The following SENP6 variants were observed in gnomAD, a reference collection of about 807,000 sequenced individuals.
SENP6 encodes sentrin-specific protease 6.
SENP6 carries 41 observed loss-of-function variants against 134.5 expected under a neutral mutation model. The ratio of observed to expected loss-of-function variants is 0.30; its 90% CI spans 0.24 to 0.40. The LOEUF (loss-of-function observed/expected upper bound fraction) is 0.40. Among genes scored for constraint, SENP6 ranks in the 10% least tolerant of loss-of-function variants. The pLI is 1.00. For missense variants in SENP6, 1,248 were observed against 1,312.5 expected (o/e 0.95, Z 0.76); for synonymous variants, 395 against 429.8 (o/e 0.92, Z 1.00).
intron 23 of SENP6, among the ~76,000 whole-genome samples, chr6:75,714,275 A>G (rs1451740615): frequency 6.6e-6 from 1 of 152,170 alleles, no homozygotes; most frequent in Non-Finnish European, 1.5e-5. Context: ...GCACCCTTTG[A>G]CAGTGTCAAC....
intron 3 of SENP6, among the ~76,000 whole-genome samples, chr6:75,624,203 TC>T (rs1189561614): frequency 6.6e-6 from 1 of 152,150 alleles, no homozygotes; most frequent in Non-Finnish European, 1.5e-5. Context: ...TTTCTGATCT[TC>T]CTTTAACTTA....
chr6:75,627,756 A>G (rs754343928), intron 3 of SENP6, among the ~76,000 whole-genome samples: 9 of 151,990 alleles, frequency 5.9e-5, no homozygotes, highest in African/African-American at 2.2e-4. Flanking sequence ...GCTCACTGCA[A>G]CCTCCACCTC....
At chr6:75,673,319 CTTTTTTTTTTTT>C (rs373435139) in intron 11 of SENP6, among the ~76,000 whole-genome samples, 4 of 116,956 alleles carry the variant, frequency 3.4e-5, no homozygotes, top group South Asian at 2.8e-4. Flanking sequence ...CCAATGTCTA[CTTTTTTTTTTTT>C]TTTTTTTTGA....
chr6:75,643,065 T>C (rs917280874), intron 6 of SENP6, among the ~76,000 whole-genome samples: 4 of 152,078 alleles, frequency 2.6e-5, no homozygotes, highest in Non-Finnish European at 4.4e-5. Context: ...GTAATAAGCA[T>C]TGAGAGGGAA....
At chr6:75,710,136 T>A (rs1562078313) in intron 20 of SENP6, among the ~76,000 whole-genome samples, 1 of 152,204 alleles carries the variant, frequency 6.6e-6, no homozygotes, top group Non-Finnish European at 1.5e-5. Context: ...CCTTCAGTTA[T>A]ATGGTACATG....
At chr6:75,619,280 C>G (rs1768084778) in intron 1 of SENP6, among the ~76,000 whole-genome samples, 1 of 152,132 alleles carries the variant, frequency 6.6e-6, no homozygotes. Flanking sequence ...CTTTCTGTCT[C>G]TATGAATTTA....
intron 1 of SENP6, 68 bp downstream of exon 1, chr6:75,602,644 C>T (rs1394072399): frequency 2.7e-6 from 4 of 1,474,348 alleles, no homozygotes; most frequent in Non-Finnish European, 3.7e-6. Flanking sequence ...CCCAGAACCC[C>T]GGATATTCAG....
chr6:75,636,729 A>G (rs182432313), intron 5 of SENP6, among the ~76,000 whole-genome samples: 3 of 152,328 alleles, frequency 2.0e-5, no homozygotes, highest in Admixed American at 2.0e-4. Context: ...TGCATGCAGT[A>G]GGAATCACGT....
chr6:75,692,716 C>T (rs946448361), intron 16 of SENP6, among the ~76,000 whole-genome samples: 5 of 152,020 alleles, frequency 3.3e-5, no homozygotes, highest in East Asian at 1.9e-4. Context: ...CCACATCCCT[C>T]GCCCCCCATC....
At position 75,657,774 on chromosome 6, in the gene SENP6, C is replaced by T. The variant is rs1287017640; in HGVS notation, c.551-1488C>T. On this transcript the variant is annotated intron_variant, in intron 7 of 23. Coordinates refer to ENST00000447266, the MANE Select transcript of SENP6 (RefSeq NM_015571.4). ...TGAAAACTCTAGGGATTAATTGTGC[C>T]TAGAGTGGGGCAGAGGCAGCTTCTT... Among the ~76,000 whole-genome samples, 14 of 152,060 alleles carry T rather than the reference C, an allele frequency of 9.2e-5. 1 individual carries two copies. Among genetic ancestry groups the T allele is most frequent in the Non-Finnish European group, 1.3e-4 (9 of 68,004 alleles).
chr6:75,713,471 A>G (rs1170008159), intron 21 of SENP6, 42 bp from the exon 22 acceptor site: 5 of 1,460,920 alleles, frequency 3.4e-6, no homozygotes, highest in Non-Finnish European at 4.7e-6. Flanking sequence ...TGCATTTGTA[A>G]TATTATGAAG....
chr6:75,626,779 G>A lies in SENP6; in HGVS notation c.207+2819G>A, dbSNP rs1480891108. On this transcript the variant is annotated intron_variant, in intron 3 of 23. Transcript: ENST00000447266. ...TAGCAGTGTATGACTCTATTTCCCT[G>A]TAATCTTGCAAAATATGTAGTCATA... Among the ~76,000 whole-genome samples, 4 of 152,032 alleles carry A rather than the reference G, an allele frequency of 2.6e-5. No homozygotes were observed. The East Asian group carries it at 7.7e-4, about 29-fold the overall frequency.
intron 16 of SENP6, among the ~76,000 whole-genome samples, chr6:75,688,896 A>G (rs1774034552): frequency 6.6e-6 from 1 of 152,216 alleles, no homozygotes; most frequent in East Asian, 1.9e-4. Flanking sequence ...GAGAAACCCC[A>G]ACTCTACTAA....
chr6:75,663,149 G>A, intron 8 of SENP6, 72 bp from the exon 9 acceptor site: 1 of 1,384,858 alleles, frequency 7.2e-7, no homozygotes, highest in South Asian at 1.3e-5. Context: ...TGAACACCGT[G>A]AATGTTCAAA....
chr6:75,633,750 C>T, intron 4 of SENP6, 24 bp downstream of exon 4: 10 of 1,566,860 alleles, frequency 6.4e-6, no homozygotes, highest in East Asian at 2.3e-5. Flanking sequence ...ACCACACATT[C>T]CTACAGAAAA....
intron 1 of SENP6, among the ~76,000 whole-genome samples, chr6:75,613,968 G>A (rs1261707389): frequency 6.6e-6 from 1 of 152,100 alleles, no homozygotes; most frequent in African/African-American, 2.4e-5. Context: ...TCTTTAATCT[G>A]GAAATAGCTT....
rs1771931130 is a variant in SENP6 at position 75,663,413 on chromosome 6, A to G, written c.889A>G (p.Thr297Ala). The change falls in exon 9 of 24, where the codon ACT becomes GCT. Residue 297 changes from threonine to alanine, a missense_variant. Physicochemically the swap from Thr to Ala is moderately conservative, Grantham distance 58. Coordinates refer to ENST00000447266, the MANE Select transcript of SENP6 (RefSeq NM_015571.4). Reference sequence around the variant, plus strand: ...TGTGAATTGTGATGACAGTAAACACACTTATTTACAGACTAATGGAAAAGT... The same window carrying G: ...TGTGAATTGTGATGACAGTAAACACGCTTATTTACAGACTAATGGAAAAGT... ...IIVNCDDSKH[T>A]YLQTNGKVIL... The G allele has an allele frequency of 6.2e-7, 1 of 1,613,320 alleles. No individual in the cohort carries two copies. Among genetic ancestry groups the G allele is most frequent in the Admixed American group, 1.7e-5 (1 of 59,984 alleles).
At chr6:75,713,455 CT>C in intron 21 of SENP6, 57 bp from the exon 22 acceptor site, 2 of 1,357,344 alleles carry the variant, frequency 1.5e-6, no homozygotes, top group Non-Finnish European at 1.0e-6. Context: ...ACTTTTAATC[CT>C]TTTATGCATT....
At position 75,602,358 on chromosome 6, in the gene SENP6, C is replaced by A. The variant is rs1157535673; in HGVS notation, c.-167C>A. The A allele has an allele frequency of 9.8e-6, 7 of 714,140 alleles. No homozygotes were observed. Among genetic ancestry groups the A allele is most frequent in the Non-Finnish European group, 1.5e-5 (7 of 454,670 alleles). 44.2% of individuals were successfully genotyped at this position (714,140 alleles called of 1,614,324 possible). On this transcript the variant is annotated 5_prime_UTR_variant, in exon 1 of 24. Coordinates refer to ENST00000447266, the MANE Select transcript of SENP6 (RefSeq NM_015571.4). The stretch of plus-strand genomic sequence containing the variant: ...GACAGGCCCGGGCGCGCCTGGCCTG[C>A]CTTTGTATAGGCCCGTCTGAACGTG...
Sources: gnomAD v4.1 joint callset for allele counts (sites outside exome capture counted in the v4.1 genomes callset) on GRCh38, gnomAD v4.1.1 for gene constraint, MANE v1.5 for transcripts, NCBI Gene and HGNC (gene_info 2026-07-23, HGNC 2026-07-21) for gene names.